ZNF260: variants seen among roughly 807,000 people sequenced by gnomAD.
ZNF260 encodes the protein zfp-260.
ZNF260 carries 21 observed loss-of-function variants against 29.3 expected under a neutral mutation model. The ratio of observed to expected loss-of-function variants is 0.72; its 90% CI spans 0.51 to 1.03. The LOEUF is 1.03. ZNF260 is among the 50% of genes least tolerant of loss of function. ZNF260 has a pLI of 0.00. For synonymous variants in ZNF260, 156 were observed against 156.8 expected (o/e 0.99, Z 0.04); for missense variants, 465 against 487.8 (o/e 0.95, Z 0.44).
intron 2 of ZNF260, among the ~76,000 whole-genome samples, chr19:36,516,680 G>A (rs1047922089): frequency 2.6e-5 from 4 of 152,130 alleles, no homozygotes; most frequent in Non-Finnish European, 4.4e-5. Context: ...CTGGGTTCAC[G>A]CCATTCTCCT....
intron 2 of ZNF260, among the ~76,000 whole-genome samples, chr19:36,524,421 C>T (rs1461279605): frequency 2.0e-5 from 3 of 151,850 alleles, no homozygotes; most frequent in African/African-American, 4.8e-5. Context: ...CCTCGTGATC[C>T]GCCAGCCTCG....
At position 36,512,474 on chromosome 19, in the gene ZNF260, C is replaced by T. The variant is rs571292445; in HGVS notation, c.*1526G>A. 12 of 152,222 alleles carry T rather than the reference C, an allele frequency of 7.9e-5. No individual in the cohort carries two copies. The highest frequency in any genetic ancestry group is 2.9e-4 in the African/African-American group (12 of 41,554). 9.4% of individuals were successfully genotyped at this position (152,222 alleles called of 1,614,324 possible). On this transcript the variant is annotated 3_prime_UTR_variant, in exon 3 of 3. Coordinates refer to ENST00000523638, the MANE Select transcript of ZNF260 (RefSeq NM_001166037.2). ...AGAAATAGATACAAAATTGAAGTAT[C>T]CTTTAACTACCATGCTTGGTAACAT...
chr19:36,520,616 G>A lies in ZNF260; in HGVS notation c.-462+4539C>T, dbSNP rs565120834. On this transcript the variant is annotated intron_variant, in intron 2 of 2. Coordinates refer to ENST00000523638, the MANE Select transcript of ZNF260 (RefSeq NM_001166037.2). ...CAGTTCAAGACCAGCACTTTGGGAGGCCAAGGCAGGCAGATCACAAGGTCA... is the reference window on the plus strand; with the variant it reads ...CAGTTCAAGACCAGCACTTTGGGAGACCAAGGCAGGCAGATCACAAGGTCA... Among the ~76,000 whole-genome samples, 9 of 152,166 alleles carry A rather than the reference G, an allele frequency of 5.9e-5. No homozygotes were observed. The South Asian group carries it at 1.9e-3, about 32-fold the overall frequency.
chr19:36,525,032 A>T (rs1280059291), intron 2 of ZNF260, 123 bp downstream of exon 2: 1 of 152,268 alleles, frequency 6.6e-6, no homozygotes, highest in Non-Finnish European at 1.5e-5. Context: ...CTAAAAGACA[A>T]AGGCTAGTAC....
chr19:36,522,131 T>C (rs780832930), intron 2 of ZNF260, among the ~76,000 whole-genome samples: 2 of 151,788 alleles, frequency 1.3e-5, no homozygotes, highest in South Asian at 2.1e-4. Flanking sequence ...AAACTCTTAA[T>C]TGTATTATGT....
In ZNF260 at chr19:36,520,479, GA is replaced by G. The variant is rs1489966552; in HGVS notation, c.-462+4675del. The stretch of plus-strand genomic sequence containing the variant: ...ATGCGAACTGAAACCAGAAAAGACA[GA>G]AAACCTAAACAGAAACATAAACATA... On this transcript the variant is annotated intron_variant, in intron 2 of 2. Transcript: ENST00000523638. Among the ~76,000 whole-genome samples, 7 of 152,012 alleles carry G rather than the reference GA, an allele frequency of 4.6e-5. No individual in the cohort carries two copies. In the South Asian group the frequency reaches 1.5e-3, roughly 32 times the overall value.
chr19:36,511,620 C>A lies in ZNF260; in HGVS notation c.*2380G>T, dbSNP rs2034453531. 6.7e-6 allele frequency: 1 copy of A among 150,156 alleles called. No individual in the cohort carries two copies. Among genetic ancestry groups the A allele is most frequent in the South Asian group, 2.1e-4 (1 of 4,760 alleles). 9.3% of individuals were successfully genotyped at this position (150,156 alleles called of 1,614,324 possible). On this transcript the variant is annotated 3_prime_UTR_variant, in exon 3 of 3. Coordinates refer to ENST00000523638, the MANE Select transcript of ZNF260 (RefSeq NM_001166037.2). ...GAGCCAAGATTGTGCCATTGCACTG[C>A]AGCCTGGGCAACAAGAACAAAACTC...
chr19:36,521,250 T>C (rs1367149749), intron 2 of ZNF260, among the ~76,000 whole-genome samples: 1 of 152,198 alleles, frequency 6.6e-6, no homozygotes, highest in Non-Finnish European at 1.5e-5. Flanking sequence ...GTATGATGCA[T>C]AACAGATCAG....
At chr19:36,521,534 C>T (rs2034644992) in intron 2 of ZNF260, among the ~76,000 whole-genome samples, 2 of 151,512 alleles carry the variant, frequency 1.3e-5, no homozygotes, top group South Asian at 4.2e-4. Flanking sequence ...AGGCAGATCA[C>T]CTGAGGTCAG....
chr19:36,516,184 C>G (rs2912434), intron 2 of ZNF260, among the ~76,000 whole-genome samples: 2,760 of 152,080 alleles, frequency 0.018, 38 homozygotes, highest in Non-Finnish European at 0.031. Flanking sequence ...AAAATAGATT[C>G]TTTATCCAAG....
chr19:36,513,870 T>C lies in ZNF260; in HGVS notation c.*130A>G, dbSNP rs1568548777. ...AATACTTATTAAACATCATAGTATTTAAGTTTTGAATTGCTGCTGAAGGAC... is the reference window on the plus strand; with the variant it reads ...AATACTTATTAAACATCATAGTATTCAAGTTTTGAATTGCTGCTGAAGGAC... On this transcript the variant is annotated 3_prime_UTR_variant, in exon 3 of 3. Coordinates refer to ENST00000523638, the MANE Select transcript of ZNF260 (RefSeq NM_001166037.2). The C allele has an allele frequency of 5.1e-6, 5 of 983,584 alleles. No individual in the cohort carries two copies. In the Admixed American group the frequency reaches 1.1e-4, roughly 21 times the overall value. The allele number at this position is 983,584 out of a possible 1,614,324, so 60.9% of individuals were successfully genotyped here.
At chr19:36,518,167 G>A (rs1400630139) in intron 2 of ZNF260, 1 of 152,020 alleles carries the variant, frequency 6.6e-6, no homozygotes, top group East Asian at 1.9e-4. Flanking sequence ...AAGACCATGA[G>A]AACACCTACA....
At chr19:36,519,287 A>C (rs2034602472) in intron 2 of ZNF260, among the ~76,000 whole-genome samples, 1 of 152,220 alleles carries the variant, frequency 6.6e-6, no homozygotes, top group Non-Finnish European at 1.5e-5. Flanking sequence ...AAGGTTATAC[A>C]AGAAATCAAA....
chr19:36,524,071 GAA>G lies in ZNF260; in HGVS notation c.-462+1082_-462+1083del, dbSNP rs781164257. 3.2e-4 allele frequency among the ~76,000 whole-genome samples: 48 copies of G among 152,128 alleles called. No individual in the cohort carries two copies. In the East Asian group the frequency reaches 5.2e-3, roughly 17 times the overall value. On this transcript the variant is annotated intron_variant, in intron 2 of 2. Transcript: ENST00000523638. ...AGGAATATAACAATGGAAGGAGAAAGAATGATAGAAAGTTAAAATGTAAAGAA... is the reference window on the plus strand; with the variant it reads ...AGGAATATAACAATGGAAGGAGAAAGTGATAGAAAGTTAAAATGTAAAGAA...
chr19:36,516,100 G>A (rs1410495882), intron 2 of ZNF260, among the ~76,000 whole-genome samples: 5 of 152,010 alleles, frequency 3.3e-5, no homozygotes, highest in East Asian at 1.9e-4. Context: ...TCAAACTCCC[G>A]ACTTTGGGTG....
chr19:36,520,661 G>A (rs1053461417), intron 2 of ZNF260, among the ~76,000 whole-genome samples: 1 of 152,006 alleles, frequency 6.6e-6, no homozygotes, highest in African/African-American at 2.4e-5. Context: ...GACCACTCTG[G>A]CTAACATGGT....
intron 2 of ZNF260, among the ~76,000 whole-genome samples, chr19:36,519,485 C>G (rs934912626): frequency 3.3e-5 from 5 of 152,048 alleles, no homozygotes; most frequent in African/African-American, 9.7e-5. Context: ...AGAAAACAAC[C>G]ACTCTCAACC....
intron 2 of ZNF260, among the ~76,000 whole-genome samples, chr19:36,521,928 T>C (rs2034653342): frequency 6.6e-6 from 1 of 150,742 alleles, no homozygotes; most frequent in Non-Finnish European, 1.5e-5. Context: ...GGGCGCCTGT[T>C]ATCCCAGCTA....
chr19:36,521,463 A>G (rs904956370), intron 2 of ZNF260, among the ~76,000 whole-genome samples: 10 of 152,260 alleles, frequency 6.6e-5, no homozygotes, highest in African/African-American at 2.4e-4. Context: ...TTTAAAAAAT[A>G]TTCTCAGGAC....
Sources: gnomAD v4.1 joint callset for allele counts (sites outside exome capture counted in the v4.1 genomes callset) on GRCh38, gnomAD v4.1.1 for gene constraint, MANE v1.5 for transcripts, NCBI Gene and HGNC (gene_info 2026-07-23, HGNC 2026-07-21) for gene names.